MDGA2: variants seen among roughly 807,000 people sequenced by gnomAD.
MDGA2 encodes MAM domain-containing glycosylphosphatidylinositol anchor protein 2.
In MDGA2, 40 loss-of-function variants were observed where a neutral mutation model predicts 117.8. That is an observed-to-expected ratio of 0.34 (90% CI 0.26 to 0.44). MDGA2 has a LOEUF of 0.44. Ranked by LOEUF, MDGA2 falls within the 20% of genes least tolerant of loss-of-function variation. MDGA2 has a pLI of 1.00. For synonymous variants in MDGA2, 452 were observed against 439.0 expected (o/e 1.03, Z -0.37); for missense variants, 1,123 against 1,250.6 (o/e 0.90, Z 1.54).
chr14:47,207,637 C>A (rs909122741), intron 3 of MDGA2, among the ~76,000 whole-genome samples: 1 of 151,886 alleles, frequency 6.6e-6, no homozygotes, highest in African/African-American at 2.4e-5. Context: ...TAGAATACAG[C>A]GCTTAGGGAG....
At chr14:47,274,241 C>T (rs1888238696) in intron 2 of MDGA2, among the ~76,000 whole-genome samples, 2 of 152,034 alleles carry the variant, frequency 1.3e-5, no homozygotes, top group South Asian at 4.1e-4. Context: ...TGACTCTTTC[C>T]CCAACCCCAC....
chr14:46,852,149 TA>T (rs1299750472), intron 15 of MDGA2, among the ~76,000 whole-genome samples: 1 of 151,626 alleles, frequency 6.6e-6, no homozygotes, highest in East Asian at 1.9e-4. Flanking sequence ...TTAAATAGCT[TA>T]AAAATGCATC....
At chr14:47,291,837 T>G (rs547634471) in intron 2 of MDGA2, among the ~76,000 whole-genome samples, 1 of 152,340 alleles carries the variant, frequency 6.6e-6, no homozygotes, top group African/African-American at 2.4e-5. Flanking sequence ...CGTGTAATCA[T>G]CTCTAGGTTA....
chr14:47,020,773 A>T (rs969585139), intron 8 of MDGA2, among the ~76,000 whole-genome samples: 1 of 152,166 alleles, frequency 6.6e-6, no homozygotes, highest in Admixed American at 6.5e-5. Flanking sequence ...ATGTTTTTCA[A>T]CTCCAGACAA....
At chr14:47,424,718 A>G (rs1892650042) in intron 1 of MDGA2, among the ~76,000 whole-genome samples, 1 of 152,210 alleles carries the variant, frequency 6.6e-6, no homozygotes, top group Middle Eastern at 3.2e-3. Flanking sequence ...AGCAATACAT[A>G]TCTATGTGAC....
chr14:46,999,219 G>C (rs1440697873), intron 8 of MDGA2, among the ~76,000 whole-genome samples: 1 of 149,880 alleles, frequency 6.7e-6, no homozygotes, highest in East Asian at 1.9e-4. Flanking sequence ...AAAAAAAAAA[G>C]CTGTAAAGCA....
In MDGA2 at chr14:47,301,460, C is replaced by T; in HGVS notation, c.371G>A (p.Gly124Glu). 1 of 1,551,840 alleles carries T rather than the reference C, an allele frequency of 6.4e-7. No individual in the cohort carries two copies. The highest frequency in any genetic ancestry group is 2.4e-5 in the East Asian group (1 of 40,914). ...YSERVYTIRE[G>E]ETLELTCLVT... ...TAGACAAGTCAACTCAAGGGTTTCT[C>T]CTTCCCGGATAGTGTAGACCCTTTC... Residue 124 changes from glycine to glutamate, a missense_variant, in exon 2 of 17, where the codon GGA (glycine) becomes GAA (glutamate). This residue lies in a region of MDGA2 where 233 missense variants were observed against 200.3 expected (regional missense o/e 1.16). Transcript: ENST00000399232.
intron 7 of MDGA2, among the ~76,000 whole-genome samples, chr14:47,053,650 T>TACACAC (rs1379231376): frequency 5.5e-4 from 26 of 47,024 alleles, no homozygotes; most frequent in Non-Finnish European, 9.0e-4. Context: ...TATATATATA[T>TACACAC]ATATACACAC....
At chr14:47,082,410 T>C (rs903014669) in intron 6 of MDGA2, among the ~76,000 whole-genome samples, 1 of 151,876 alleles carries the variant, frequency 6.6e-6, no homozygotes, top group African/African-American at 2.4e-5. Flanking sequence ...TATACAGCTG[T>C]AGGCTGAAAA....
chr14:46,906,807 T>C (rs773045607), intron 10 of MDGA2, among the ~76,000 whole-genome samples: 59 of 152,000 alleles, frequency 3.9e-4, no homozygotes, highest in Admixed American at 2.7e-3. Flanking sequence ...AGTAGAGAGA[T>C]GTATCTTTCT....
At chr14:47,237,458 G>A (rs1886901912) in intron 2 of MDGA2, among the ~76,000 whole-genome samples, 1 of 152,044 alleles carries the variant, frequency 6.6e-6, no homozygotes, top group Non-Finnish European at 1.5e-5. Flanking sequence ...TAGTTTTACA[G>A]GTAAAAATGA....
intron 1 of MDGA2, among the ~76,000 whole-genome samples, chr14:47,412,645 C>A (rs1390761830): frequency 6.6e-6 from 1 of 152,172 alleles, no homozygotes; most frequent in Non-Finnish European, 1.5e-5. Flanking sequence ...TGTATAAATT[C>A]TGTGACAAAA....
At chr14:47,349,133 G>A (rs1039003490) in intron 1 of MDGA2, among the ~76,000 whole-genome samples, 1 of 152,218 alleles carries the variant, frequency 6.6e-6, no homozygotes, top group Admixed American at 6.5e-5. Context: ...GGAATTGAAA[G>A]TATTCCCTAG....
intron 1 of MDGA2, among the ~76,000 whole-genome samples, chr14:47,435,041 CAGG>C (rs1892870367): frequency 1.3e-5 from 2 of 152,166 alleles, no homozygotes; most frequent in African/African-American, 2.4e-5. Context: ...GAGGCTGAGG[CAGG>C]AGAATTGCTT....
At chr14:47,369,614 A>G (rs928012868) in intron 1 of MDGA2, among the ~76,000 whole-genome samples, 2 of 152,172 alleles carry the variant, frequency 1.3e-5, no homozygotes, top group African/African-American at 4.8e-5. Flanking sequence ...ATAGTGTCAT[A>G]GTGACAGATG....
At chr14:47,159,356 T>C (rs1452385944) in intron 3 of MDGA2, among the ~76,000 whole-genome samples, 1 of 152,212 alleles carries the variant, frequency 6.6e-6, no homozygotes, top group African/African-American at 2.4e-5. Context: ...AACTACTTCA[T>C]GGAAATTCCT....
At chr14:46,927,907 A>C (rs993630986) in intron 9 of MDGA2, among the ~76,000 whole-genome samples, 1 of 152,162 alleles carries the variant, frequency 6.6e-6, no homozygotes, top group Non-Finnish European at 1.5e-5. Flanking sequence ...AGCACTCAAG[A>C]GCTTCCTAAG....
intron 3 of MDGA2, among the ~76,000 whole-genome samples, chr14:47,193,983 TG>T (rs1232385817): frequency 6.6e-6 from 1 of 152,196 alleles, no homozygotes; most frequent in African/African-American, 2.4e-5. Context: ...ATAAATTTTC[TG>T]AAGTCCCTTT....
chr14:46,934,760 C>T lies in MDGA2; in HGVS notation c.2090-14600G>A, dbSNP rs374295086. 1.2e-3 allele frequency among the ~76,000 whole-genome samples: 182 copies of T among 152,004 alleles called. 1 individual carries two copies. The highest frequency in any genetic ancestry group is 4.2e-3 in the African/African-American group (173 of 41,468). On this transcript the variant is annotated intron_variant, in intron 9 of 16. Coordinates refer to ENST00000399232, the MANE Select transcript of MDGA2 (RefSeq NM_001113498.3). ...AATATTACAGCAAATGCTGTAAGAA[C>T]GCAGAAAGAACACAAACCTACTTTT... is the stretch of plus-strand genomic sequence containing the variant.
Sources: allele counts gnomAD v4.1 joint callset (sites outside exome capture counted in the v4.1 genomes callset), GRCh38; gene constraint gnomAD v4.1.1; regional missense constraint gnomAD v4.1.1; transcripts MANE v1.5; gene names NCBI Gene and HGNC (gene_info 2026-07-23, HGNC 2026-07-21).